CST7: variants seen among roughly 807,000 people sequenced by gnomAD.
The protein encoded by CST7 is cystatin-F.
A neutral mutation model predicts 13.1 loss-of-function variants in CST7; 15 were observed. The observed-to-expected ratio is 1.14, with a 90% CI of 0.77 to 1.76. CST7 has a LOEUF of 1.76. Among genes scored for constraint, CST7 ranks in the 40% most tolerant of loss-of-function variants. CST7 has a pLI of 0.00. For synonymous variants in CST7, 75 were observed against 66.9 expected, an observed-to-expected ratio of 1.12 and a Z score of -0.59; for missense variants, 193 against 178.8, an observed-to-expected ratio of 1.08 and a Z score of -0.45.
At chr20:24,951,279 G>C (rs947066617) in intron 1 of CST7, among the ~76,000 whole-genome samples, 5 of 152,186 alleles carry the variant, frequency 3.3e-5, no homozygotes, top group African/African-American at 9.7e-5. Context: ...TCCGGCCCTG[G>C]GGAGGCTGAA....
rs370118498 is a variant in CST7, at chr20:24,949,651, C to G, written c.70+76C>G. 19 of 1,577,338 alleles carry G rather than the reference C, an allele frequency of 1.2e-5. No homozygotes were observed. The African/African-American group carries it at 1.8e-4, about 15-fold the overall frequency. ...GGCCACTGGTGCCTTGGGTCTTCCC[C>G]AGGGCACTTTCCTAGCTTGGAGCCC... On this transcript the variant is annotated intron_variant, in intron 1 of 3. Transcript: ENST00000480798.
chr20:24,958,860 G>A, intron 2 of CST7, 68 bp from the exon 3 acceptor site: 2 of 1,184,156 alleles, frequency 1.7e-6, no homozygotes, highest in South Asian at 1.2e-5. Flanking sequence ...TTGAGGCCCT[G>A]CTTCCTAGTG....
At chr20:24,949,610 G>A (rs770389030) in intron 1 of CST7, 35 bp downstream of exon 1, 7 of 1,611,970 alleles carry the variant, frequency 4.3e-6, no homozygotes, top group African/African-American at 1.3e-5. Flanking sequence ...CTCCCCGGGG[G>A]TCTCTCCCTG....
intron 1 of CST7, among the ~76,000 whole-genome samples, chr20:24,951,208 A>G (rs1446088487): frequency 6.6e-6 from 1 of 152,202 alleles, no homozygotes; most frequent in African/African-American, 2.4e-5. Flanking sequence ...TCACACACAC[A>G]GAGCGGGCCC....
chr20:24,949,354 G>A lies in CST7; in HGVS notation c.-152G>A, dbSNP rs191930787. Reference sequence around the variant, plus strand: ...CGTGCTGCCTGAGAAGGATTGGCACGGGCACAGACCACTGCCCCCACCTGC... The same window carrying A: ...CGTGCTGCCTGAGAAGGATTGGCACAGGCACAGACCACTGCCCCCACCTGC... On this transcript the variant is annotated 5_prime_UTR_variant, in exon 1 of 4. Transcript: ENST00000480798. 569 of 1,550,824 alleles carry A rather than the reference G, an allele frequency of 3.7e-4. No individual in the cohort carries two copies. The highest frequency in any genetic ancestry group is 3.9e-4 in the Non-Finnish European group (443 of 1,146,928).
chr20:24,958,691 T>C (rs866273313), intron 2 of CST7, among the ~76,000 whole-genome samples: 10 of 152,010 alleles, frequency 6.6e-5, no homozygotes, highest in African/African-American at 2.2e-4. Context: ...TGCAGAGCTC[T>C]GGCCAGAAAG....
intron 1 of CST7, among the ~76,000 whole-genome samples, chr20:24,955,480 C>T (rs2087847882): frequency 6.8e-6 from 1 of 147,508 alleles, no homozygotes; most frequent in Non-Finnish European, 1.5e-5. Flanking sequence ...GACGGAGTCT[C>T]GCTCTGTTGC....
At chr20:24,955,026 G>C in intron 1 of CST7, among the ~76,000 whole-genome samples, 1 of 144,248 alleles carries the variant, frequency 6.9e-6, no homozygotes. Context: ...GTAATGTGAG[G>C]AAAGAAAGCA....
chr20:24,957,520 C>A, intron 2 of CST7, 61 bp downstream of exon 2: 1 of 1,520,292 alleles, frequency 6.6e-7, no homozygotes, highest in Non-Finnish European at 9.0e-7. Context: ...GCTGCTACAA[C>A]GCGACACCTA....
Position 24,957,371 on chromosome 20 carries a change from C to G in CST7, c.155C>G (p.Ala52Gly). Residue 52 changes from alanine to glycine, a missense_variant, in exon 2 of 4, where the codon GCA becomes GGA. Physicochemically the swap from Ala to Gly is moderately conservative, Grantham distance 60. Coordinates refer to ENST00000480798, the MANE Select transcript of CST7 (RefSeq NM_003650.4). ...ACCAATGACCCAGGAGTCCTCCAAG[C>G]AGCCAGATACAGTGTTGAAAAGTTC... ...IKTNDPGVLQ[A>G]ARYSVEKFNN... is the part of the protein sequence containing the mutation. The G allele has an allele frequency of 6.2e-7, 1 of 1,613,776 alleles. No homozygotes were observed.
chr20:24,950,846 G>A (rs1438703734), intron 1 of CST7, among the ~76,000 whole-genome samples: 2 of 152,178 alleles, frequency 1.3e-5, no homozygotes, highest in African/African-American at 4.8e-5. Context: ...AAGGTCCAAG[G>A]GGGAAGCAGG....
intron 1 of CST7, among the ~76,000 whole-genome samples, chr20:24,950,409 G>C (rs1260418949): frequency 1.3e-5 from 2 of 152,248 alleles, no homozygotes; most frequent in African/African-American, 4.8e-5. Flanking sequence ...GATGGCTCCA[G>C]AGCACCCAAG....
chr20:24,954,827 A>G (rs1257909106), intron 1 of CST7, among the ~76,000 whole-genome samples: 4 of 152,136 alleles, frequency 2.6e-5, no homozygotes, highest in African/African-American at 9.7e-5. Context: ...TGTTAATCTC[A>G]AGCAAAAGTA....
chr20:24,953,221 C>T (rs2087831566), intron 1 of CST7, among the ~76,000 whole-genome samples: 1 of 152,166 alleles, frequency 6.6e-6, no homozygotes, highest in African/African-American at 2.4e-5. Flanking sequence ...GGGGCTGCAG[C>T]AGAAAAGCAG....
At chr20:24,951,645 G>A (rs2087819820) in intron 1 of CST7, among the ~76,000 whole-genome samples, 1 of 152,146 alleles carries the variant, frequency 6.6e-6, no homozygotes, top group Non-Finnish European at 1.5e-5. Context: ...AGGGGGGTAG[G>A]GGGCGGGGAA....
At chr20:24,952,761 C>G (rs1036641545) in intron 1 of CST7, among the ~76,000 whole-genome samples, 2 of 152,258 alleles carry the variant, frequency 1.3e-5, no homozygotes, top group African/African-American at 4.8e-5. Context: ...CAGGGACCAT[C>G]TGCGTCCAGC....
intron 1 of CST7, among the ~76,000 whole-genome samples, chr20:24,954,866 T>C (rs1415699638): frequency 6.6e-6 from 1 of 152,174 alleles, no homozygotes; most frequent in Admixed American, 6.5e-5. Context: ...AAAAAGTTAA[T>C]AGTGGTTAGC....
At chr20:24,955,413 G>A (rs2087847213) in intron 1 of CST7, among the ~76,000 whole-genome samples, 1 of 151,896 alleles carries the variant, frequency 6.6e-6, no homozygotes, top group Admixed American at 6.6e-5. Context: ...CAGGAACAGA[G>A]CGGTTTCTAT....
chr20:24,952,304 T>C (rs1298562367), intron 1 of CST7, among the ~76,000 whole-genome samples: 3 of 152,220 alleles, frequency 2.0e-5, no homozygotes, highest in African/African-American at 7.2e-5. Flanking sequence ...CCTGAGATCA[T>C]ACAGCCAGTG....
Sources: allele counts gnomAD v4.1 joint callset (sites outside exome capture counted in the v4.1 genomes callset), GRCh38; gene constraint gnomAD v4.1.1; transcripts MANE v1.5; gene names NCBI Gene and HGNC (gene_info 2026-07-23, HGNC 2026-07-21).